AGRN: variants seen among roughly 807,000 people sequenced by gnomAD.
The protein encoded by AGRN is agrin proteoglycan.
In AGRN, 106 loss-of-function variants were observed where a neutral mutation model predicts 211.0. That is an observed-to-expected ratio of 0.50 (90% CI 0.43 to 0.59). The LOEUF is 0.59. Ranked by LOEUF, AGRN falls within the 20% of genes least tolerant of loss-of-function variation. The probability of loss-of-function intolerance (pLI) is 0.00; values close to 1 mark genes in which losing one functional copy is unlikely to be tolerated. For synonymous variants in AGRN, 1,525 were observed against 1,332.5 expected (o/e 1.14, Z -3.15); for missense variants, 3,040 against 2,982.6 (o/e 1.02, Z -0.45).
At position 1,042,162 on chromosome 1, in the gene AGRN, G is replaced by A; in HGVS notation, c.1384G>A (p.Asp462Asn). ...CCCCAGCAAGCACCAGGGCCCGTGT[G>A]GTGAGCGCCCCGGGGTGGAGGCCAG... ...AIPSKHQGPC[D>N]QAPSPCLGVQ... The change falls in exon 7 of 36, where the codon GAC becomes AAC. Residue 462 changes from aspartate to asparagine, a missense_variant and splice_region_variant. Around this residue, in one of 3 missense-constraint regions of AGRN, gnomAD observed 1,498 missense variants for 1,457.8 expected, o/e 1.03. Transcript: ENST00000379370. 1 of 1,593,108 alleles carries A rather than the reference G, an allele frequency of 6.3e-7. No homozygotes were observed. Among genetic ancestry groups the A allele is most frequent in the Non-Finnish European group, 8.5e-7 (1 of 1,174,166 alleles).
rs879928015 is a variant in AGRN, at chr1:1,041,561, C to T, written c.1036C>T (p.Pro346Ser). The change falls in exon 6 of 36, where the codon CCC (proline) becomes TCC (serine). Residue 346 changes from proline to serine, a missense_variant. Around this residue, in one of 3 missense-constraint regions of AGRN, gnomAD observed 1,498 missense variants for 1,457.8 expected, o/e 1.03. Transcript: ENST00000379370. ...RTRRPEMLLR[P>S]ESCPARQAPV... ...GCGGCGCCCTGAGATGCTCCTACGG[C>T]CCGAGAGCTGCCCTGCCCGGCAGGC... 7 of 1,609,194 alleles carry T rather than the reference C, an allele frequency of 4.3e-6. No individual in the cohort carries two copies. Among genetic ancestry groups the T allele is most frequent in the Non-Finnish European group, 5.9e-6 (7 of 1,179,368 alleles).
rs376592885 is a variant in AGRN at position 1,049,569 on chromosome 1, G to A, written c.4518G>A (p.Ala1506=). 324 of 1,589,854 alleles carry A rather than the reference G, an allele frequency of 2.0e-4. 1 individual carries two copies. The highest frequency in any genetic ancestry group is 4.9e-4 in the South Asian group (43 of 88,230). The change falls in exon 26 of 36, where the codon GCG becomes GCA. Residue 1506 remains alanine (A), a synonymous_variant. Coordinates refer to ENST00000379370, the MANE Select transcript of AGRN (RefSeq NM_198576.4). ...GGVPEDQAAV[A]LERTFVGAGL... ...CCGGTGTCCCTCCTGGTGGCAGGGC[G>A]CTGGAGCGGACCTTCGTGGGCGCCG... is the stretch of plus-strand genomic sequence containing the variant.
Position 1,040,823 on chromosome 1 carries a change from C to A in AGRN, c.670C>A (p.Gln224Lys). 6.5e-7 allele frequency: 1 copy of A among 1,536,926 alleles called. No homozygotes were observed. Among genetic ancestry groups the A allele is most frequent in the African/African-American group, 1.4e-5 (1 of 72,796 alleles). Residue 224 changes from glutamine (Q) to lysine (K), a missense_variant, in exon 4 of 36, where the codon CAG (glutamine) becomes AAG (lysine). Physicochemically the swap from Gln to Lys is moderately conservative, Grantham distance 53. This residue lies in a region of AGRN where 1,498 missense variants were observed against 1,457.8 expected (regional missense o/e 1.03). Transcript: ENST00000379370. ...ASTYSNECEL[Q>K]RAQCSQQRRI... ...CACCTACAGCAACGAATGCGAGCTG[C>A]AGCGGGCGCAGTGCAGCCAGCAGCG...
At position 1,048,886 on chromosome 1, in the gene AGRN, G is replaced by A. The variant is rs375628080; in HGVS notation, c.4125G>A (p.Pro1375=). The A allele has an allele frequency of 4.1e-5, 63 of 1,541,354 alleles. No homozygotes were observed. The highest frequency in any genetic ancestry group is 2.7e-4 in the East Asian group (11 of 41,118). Residue 1375 remains proline, a synonymous_variant, in exon 24 of 36, where the codon CCG becomes CCA. Transcript: ENST00000379370. This position sits in a 1 kb window ranked among gnomAD's most constrained non-coding sequence, Gnocchi z 5.9. ...TTGCAGTGCTTGGCGCCCCTGTGCC[G>A]GCCTTCGAGGGCCGCTCCTTCCTGG... ...VCEKVLGAPV[P]AFEGRSFLAF... is the part of the protein sequence containing the mutation.
In AGRN at chr1:1,048,995, A is replaced by G. The variant is rs1435842060; in HGVS notation, c.4234A>G (p.Asn1412Asp). 1.9e-6 allele frequency: 3 copies of G among 1,580,260 alleles called. No homozygotes were observed. The highest frequency in any genetic ancestry group is 2.6e-6 in the Non-Finnish European group (3 of 1,165,394). Residue 1412 changes from asparagine (N) to aspartate (D), a missense_variant, in exon 24 of 36, where the codon AAT (asparagine) becomes GAT (aspartate). This residue lies in a region of AGRN where 1,537 missense variants were observed against 1,505.0 expected (regional missense o/e 1.02). Coordinates refer to ENST00000379370, the MANE Select transcript of AGRN (RefSeq NM_198576.4). The surrounding 1 kb of genome is among the most constrained non-coding windows in gnomAD (Gnocchi z 5.9). The stretch of plus-strand genomic sequence containing the variant: ...GGAGCCTCAGGGGCTGCTGCTGTAC[A>G]ATGGCAACGCCCGGGGCAAGGACTT... ...ALEPQGLLLY[N>D]GNARGKDFLA...
At chr1:1,023,458 AC>A (rs1172139016) in intron 2 of AGRN, among the ~76,000 whole-genome samples, 1 of 152,182 alleles carries the variant, frequency 6.6e-6, no homozygotes, top group East Asian at 1.9e-4. Context: ...TCAGTGCAGC[AC>A]AGAGGAGGGT....
At chr1:1,036,427 G>A (rs1197936660) in intron 3 of AGRN, among the ~76,000 whole-genome samples, 5 of 152,130 alleles carry the variant, frequency 3.3e-5, no homozygotes, top group African/African-American at 1.2e-4. Flanking sequence ...AGGGGTGTGA[G>A]ATGGAGGCCC....
At chr1:1,024,982 C>T (rs1251099802) in intron 2 of AGRN, among the ~76,000 whole-genome samples, 4 of 152,128 alleles carry the variant, frequency 2.6e-5, no homozygotes, top group African/African-American at 4.8e-5. Flanking sequence ...GCGACTCCTC[C>T]GGCCCTCGCC....
At chr1:1,021,568 C>T (rs1486325884) in intron 1 of AGRN, among the ~76,000 whole-genome samples, 1 of 152,254 alleles carries the variant, frequency 6.6e-6, no homozygotes, top group African/African-American at 2.4e-5. Context: ...GCGTGGGTCC[C>T]TGTCCCCGTG....
At chr1:1,051,044 G>T in intron 30 of AGRN, 1 of 1,548,936 alleles carries the variant, frequency 6.5e-7, no homozygotes. Context: ...ATCCCGCAAG[G>T]TACTGTCGGC....
chr1:1,034,089 C>T (rs1644741521), intron 2 of AGRN: 18 of 980,310 alleles, frequency 1.8e-5, no homozygotes, highest in Non-Finnish European at 2.2e-5. Flanking sequence ...GCTCCCGACG[C>T]GGCCGCCCCT....
In AGRN at chr1:1,048,061, G is replaced by C; in HGVS notation, c.3801G>C (p.Ala1267=). 12 of 1,584,960 alleles carry C rather than the reference G, an allele frequency of 7.6e-6. No individual in the cohort carries two copies. The highest frequency in any genetic ancestry group is 1.0e-5 in the Non-Finnish European group (12 of 1,172,302). The change falls in exon 23 of 36, where the codon GCG becomes GCC. Residue 1267 remains alanine, a synonymous_variant. Coordinates refer to ENST00000379370, the MANE Select transcript of AGRN (RefSeq NM_198576.4). This position sits in a 1 kb window ranked among gnomAD's most constrained non-coding sequence, Gnocchi z 5.9. ...GGGCCACGTCAGGAGCCATTGCTGCGGGAGCCACGGCCAGAGCCACCACTG... is the reference window on the plus strand; with the variant it reads ...GGGCCACGTCAGGAGCCATTGCTGCCGGAGCCACGGCCAGAGCCACCACTG... ...ITGATSGAIA[A]GATARATTAS...
intron 3 of AGRN, among the ~76,000 whole-genome samples, chr1:1,036,464 T>C (rs1049727030): frequency 2.0e-5 from 3 of 152,112 alleles, no homozygotes; most frequent in Non-Finnish European, 4.4e-5. Context: ...CCTGCCAGGC[T>C]GGGGTGACCT....
Position 1,020,474 on chromosome 1 carries a change from C to G in AGRN, c.201+101C>G, listed in dbSNP as rs1156447957. On this transcript the variant is annotated intron_variant, in intron 1 of 35. Transcript: ENST00000379370. ...ACCAGCCCCGGTCGCTCCGCAGCCC[C>G]CGCTCCGGCTCCCTTGGCGACCGCC... The G allele has an allele frequency of 5.1e-4, 611 of 1,191,404 alleles. 4 individuals are homozygous for G. The highest frequency in any genetic ancestry group is 8.3e-5 in the Non-Finnish European group (74 of 896,294). The allele number at this position is 1,191,404 out of a possible 1,614,324, so 73.8% of individuals were successfully genotyped here.
intron 5 of AGRN, 28 bp downstream of exon 5, chr1:1,041,425 G>T: frequency 6.5e-7 from 1 of 1,547,102 alleles, no homozygotes; most frequent in Non-Finnish European, 8.7e-7. Context: ...CGCACGGCTC[G>T]AGCTCTGTGG....
rs755342940 is a variant in AGRN, at chr1:1,054,898, G to A, written c.6055G>A (p.Asp2019Asn). 39 of 1,551,528 alleles carry A rather than the reference G, an allele frequency of 2.5e-5. No individual in the cohort carries two copies. The Admixed American group carries it at 7.4e-4, about 29-fold the overall frequency. Reference sequence around the variant, plus strand: ...CACAGGCTTTGTGGGCTGCTTGCGGGACGTGGTGGTGGGCCGGCACCCGCT... The same window carrying A: ...CACAGGCTTTGTGGGCTGCTTGCGGAACGTGGTGGTGGGCCGGCACCCGCT... ...YGTGFVGCLR[D>N]VVVGRHPLHL... Residue 2019 changes from aspartate to asparagine, a missense_variant, in exon 36 of 36, where the codon GAC (aspartate) becomes AAC (asparagine). Coordinates refer to ENST00000379370, the MANE Select transcript of AGRN (RefSeq NM_198576.4).
At position 1,055,259 on chromosome 1, in the gene AGRN, C is replaced by T; in HGVS notation, c.*278C>T. On this transcript the variant is annotated 3_prime_UTR_variant, in exon 36 of 36. Coordinates refer to ENST00000379370, the MANE Select transcript of AGRN (RefSeq NM_198576.4). ...GCACTGCGCCTGCCCCACGGTGTCC[C>T]CGCCGGGAAGCAGCCCCGGCTCCTG... 6.0e-6 allele frequency: 3 copies of T among 499,818 alleles called. No individual in the cohort carries two copies. Among genetic ancestry groups the T allele is most frequent in the Non-Finnish European group, 1.1e-5 (3 of 273,400 alleles). The allele number at this position is 499,818 out of a possible 1,614,324, so 31.0% of individuals were successfully genotyped here. A position where few individuals can be genotyped will look rare whatever the true frequency, so the allele number is the denominator to read the frequency against.
intron 6 of AGRN, 62 bp downstream of exon 6, chr1:1,041,764 C>G (rs1390141160): frequency 1.7e-5 from 24 of 1,402,414 alleles, no homozygotes; most frequent in East Asian, 1.5e-4. Flanking sequence ...GCGGCTCCCC[C>G]GGGGGAGGGC....
At position 1,045,496 on chromosome 1, in the gene AGRN, G is replaced by A. The variant is rs752913194; in HGVS notation, c.2509G>A (p.Val837Ile). Residue 837 changes from valine (V) to isoleucine (I), a missense_variant, in exon 14 of 36, where the codon GTC becomes ATC. Val to Ile is a conservative substitution (Grantham distance 29). Coordinates refer to ENST00000379370, the MANE Select transcript of AGRN (RefSeq NM_198576.4). The part of the protein sequence containing the change: ...EPGFWNFRGI[V>I]TDGRSGCTPC... ...TGGCTTCTGGAACTTTCGAGGCATC[G>A]TCACCGATGGCCGGAGTGGCTGTAC... 18 of 1,612,842 alleles carry A rather than the reference G, an allele frequency of 1.1e-5. No homozygotes were observed. The highest frequency in any genetic ancestry group is 6.7e-5 in the Admixed American group (4 of 60,004).
Sources: allele counts gnomAD v4.1 joint callset (sites outside exome capture counted in the v4.1 genomes callset), GRCh38; gene constraint gnomAD v4.1.1; regional missense constraint gnomAD v4.1.1; non-coding constraint Gnocchi (gnomAD v3.1); transcripts MANE v1.5; gene names NCBI Gene and HGNC (gene_info 2026-07-23, HGNC 2026-07-21).